SLC4A4: variants seen among roughly 807,000 people sequenced by gnomAD.
SLC4A4 encodes solute carrier family 4 member 4.
A neutral mutation model predicts 111.5 loss-of-function variants in SLC4A4; 27 were observed. The observed-to-expected ratio is 0.24, with a 90% CI of 0.18 to 0.33. SLC4A4 has a LOEUF of 0.33. Among genes scored for constraint, SLC4A4 ranks in the 10% least tolerant of loss-of-function variants. SLC4A4 has a pLI of 1.00. For missense variants in SLC4A4, 909 were observed against 1,315.5 expected (o/e 0.69, Z 4.78); for synonymous variants, 443 against 463.4 (o/e 0.96, Z 0.57).
chr4:71,177,717 C>T (rs546232753), intron 2 of SLC4A4, among the ~76,000 whole-genome samples: 5 of 152,266 alleles, frequency 3.3e-5, no homozygotes, highest in African/African-American at 1.2e-4. Context: ...TAGACTCCCA[C>T]ACAATAATAA....
chr4:71,313,032 T>C (rs1162648095), intron 3 of SLC4A4, among the ~76,000 whole-genome samples: 1 of 152,198 alleles, frequency 6.6e-6, no homozygotes, highest in Admixed American at 6.5e-5. Flanking sequence ...GAAAACCCCA[T>C]GGTCTCAGCC....
At chr4:71,112,766 A>G (rs1743123914) in intron 2 of SLC4A4, among the ~76,000 whole-genome samples, 1 of 152,172 alleles carries the variant, frequency 6.6e-6, no homozygotes, top group Non-Finnish European at 1.5e-5. Context: ...ATAAACTTTA[A>G]AAGTGATTCT....
At chr4:71,218,414 G>T (rs1402276941) in intron 1 of SLC4A4, among the ~76,000 whole-genome samples, 1 of 152,090 alleles carries the variant, frequency 6.6e-6, no homozygotes, top group Non-Finnish European at 1.5e-5. Flanking sequence ...TACGTGTGCT[G>T]CTTCCAACTT....
chr4:71,326,109 C>G (rs1238225433), intron 3 of SLC4A4, among the ~76,000 whole-genome samples: 1 of 151,820 alleles, frequency 6.6e-6, no homozygotes, highest in Non-Finnish European at 1.5e-5. Flanking sequence ...GCCCCTTCTT[C>G]CCTTATTCTT....
At chr4:71,211,676 T>C (rs1414118348) in intron 1 of SLC4A4, among the ~76,000 whole-genome samples, 1 of 152,164 alleles carries the variant, frequency 6.6e-6, no homozygotes, top group Non-Finnish European at 1.5e-5. Flanking sequence ...CACAAATCTT[T>C]ATTGCTAAGA....
At chr4:71,263,947 T>C (rs1722053545) in intron 3 of SLC4A4, among the ~76,000 whole-genome samples, 1 of 152,222 alleles carries the variant, frequency 6.6e-6, no homozygotes, top group Non-Finnish European at 1.5e-5. Context: ...CCTTTGCTTA[T>C]GATTATTTAT....
At chr4:71,143,733 A>G (rs1018855979) in intron 2 of SLC4A4, among the ~76,000 whole-genome samples, 1 of 152,238 alleles carries the variant, frequency 6.6e-6, no homozygotes, top group Non-Finnish European at 1.5e-5. Context: ...TTTTGGCTGC[A>G]TAAATGTCTT....
intron 2 of SLC4A4, among the ~76,000 whole-genome samples, chr4:71,134,546 C>T (rs533409107): frequency 2.0e-5 from 3 of 152,226 alleles, no homozygotes; most frequent in African/African-American, 7.2e-5. Flanking sequence ...TCCATTAAAA[C>T]CAGACCCTCC....
chr4:71,496,676 A>T (rs776903751), intron 15 of SLC4A4, among the ~76,000 whole-genome samples: 2 of 152,018 alleles, frequency 1.3e-5, no homozygotes, highest in African/African-American at 2.4e-5. Flanking sequence ...CTACTATGCT[A>T]GCAAAAGGAT....
chr4:71,337,256 A>C (rs2148886486), intron 3 of SLC4A4, among the ~76,000 whole-genome samples: 1 of 152,296 alleles, frequency 6.6e-6, no homozygotes, highest in African/African-American at 2.4e-5. Context: ...AATTGTGGTG[A>C]CTGAAATGTA....
At chr4:71,525,198 T>C (rs1422153122) in intron 16 of SLC4A4, among the ~76,000 whole-genome samples, 3 of 152,134 alleles carry the variant, frequency 2.0e-5, no homozygotes, top group Admixed American at 2.0e-4. Flanking sequence ...TTTATTTGAA[T>C]TTCCTTTTCC....
intron 16 of SLC4A4, 92 bp from the exon 17 acceptor site, chr4:71,531,970 T>C: frequency 1.3e-6 from 1 of 761,108 alleles, no homozygotes; most frequent in Non-Finnish European, 2.3e-6. Flanking sequence ...TATAAACTAT[T>C]AGCAAATACA....
intron 6 of SLC4A4, among the ~76,000 whole-genome samples, chr4:71,387,883 G>C (rs1037177315): frequency 6.6e-6 from 1 of 151,708 alleles, no homozygotes; most frequent in Non-Finnish European, 1.5e-5. Flanking sequence ...TGGAGCTGAT[G>C]TCTACATATA....
intron 16 of SLC4A4, among the ~76,000 whole-genome samples, chr4:71,518,281 G>A (rs1732596903): frequency 6.6e-6 from 1 of 152,134 alleles, no homozygotes; most frequent in African/African-American, 2.4e-5. Context: ...CAACCACAGA[G>A]GCTGTCCTGA....
chr4:71,096,936 T>C (rs548617990), intron 2 of SLC4A4, among the ~76,000 whole-genome samples: 1 of 152,324 alleles, frequency 6.6e-6, no homozygotes, highest in Non-Finnish European at 1.5e-5. Context: ...TATGAATTAG[T>C]GGATTGTATA....
chr4:71,138,258 C>A (rs1743898188), intron 2 of SLC4A4, among the ~76,000 whole-genome samples: 1 of 152,132 alleles, frequency 6.6e-6, no homozygotes, highest in African/African-American at 2.4e-5. Context: ...TTAATACTAT[C>A]CATTCCTTGC....
chr4:71,254,248 A>G (rs1205379308), intron 2 of SLC4A4, among the ~76,000 whole-genome samples: 1 of 152,192 alleles, frequency 6.6e-6, no homozygotes. Context: ...TACAGAAGTT[A>G]TGCTGTATTT....
chr4:71,503,821 G>A (rs1019492918), intron 16 of SLC4A4, among the ~76,000 whole-genome samples: 3 of 151,986 alleles, frequency 2.0e-5, no homozygotes. Flanking sequence ...TCATCCTTTT[G>A]TTTACAGTTG....
chr4:71,070,804 AC>A (rs1395404895), intron 1 of SLC4A4, among the ~76,000 whole-genome samples: 5 of 152,192 alleles, frequency 3.3e-5, no homozygotes, highest in Non-Finnish European at 7.4e-5. Flanking sequence ...ATGGAAACTG[AC>A]TTTTAAACCT....
Sources: gnomAD v4.1 joint callset for allele counts (sites outside exome capture counted in the v4.1 genomes callset) on GRCh38, gnomAD v4.1.1 for gene constraint, MANE v1.5 for transcripts, NCBI Gene and HGNC (gene_info 2026-07-23, HGNC 2026-07-21) for gene names.